The following ANKS1B variants were observed in gnomAD, a reference collection of about 807,000 sequenced individuals.
The protein encoded by ANKS1B is ankyrin repeat and sterile alpha motif domain containing 1B.
In ANKS1B, 36 loss-of-function variants were observed where a neutral mutation model predicts 148.3. The ratio of observed to expected loss-of-function variants is 0.24; its 90% CI spans 0.19 to 0.32. ANKS1B has a LOEUF of 0.32. ANKS1B is among the 10% of genes least tolerant of loss of function. ANKS1B has a pLI of 1.00. For synonymous variants in ANKS1B, 542 were observed against 560.8 expected, an observed-to-expected ratio of 0.97 and a Z score of 0.47; for missense variants, 1,157 against 1,542.6, an observed-to-expected ratio of 0.75 and a Z score of 4.19.
intron 4 of ANKS1B, among the ~76,000 whole-genome samples, chr12:99,800,007 C>G (rs1021386193): frequency 2.6e-5 from 4 of 152,094 alleles, no homozygotes; most frequent in Admixed American, 1.3e-4. Context: ...TCACTTCTGG[C>G]TGTTTGACTG....
chr12:99,566,375 G>C (rs1405337087), intron 9 of ANKS1B, among the ~76,000 whole-genome samples: 1 of 152,080 alleles, frequency 6.6e-6, no homozygotes, highest in African/African-American at 2.4e-5. Flanking sequence ...TAATAGTTCT[G>C]CAAGTATATA....
chr12:99,397,923 TTAAG>T (rs1301393247), intron 12 of ANKS1B, among the ~76,000 whole-genome samples: 1 of 152,040 alleles, frequency 6.6e-6, no homozygotes, highest in African/African-American at 2.4e-5. Context: ...CATGAAAATT[TTAAG>T]GCAGAGATTC....
intron 14 of ANKS1B, chr12:99,154,612 T>A: frequency 6.9e-7 from 1 of 1,458,642 alleles, no homozygotes. Context: ...TATGACTTGA[T>A]CCTAGCTCCA....
rs142609568 is a variant in ANKS1B, at chr12:99,738,329, C to A, written c.1128+34593G>T. ...CTGTTATTCCCACATTCACTCATAG[C>A]ATTACTATTACCAGGAACAATACAG... On this transcript the variant is annotated intron_variant, in intron 8 of 26. Transcript: ENST00000683438. 2.2e-4 allele frequency among the ~76,000 whole-genome samples: 33 copies of A among 152,284 alleles called. No homozygotes were observed. The East Asian group carries it at 3.5e-3, about 16-fold the overall frequency.
intron 17 of ANKS1B, among the ~76,000 whole-genome samples, chr12:98,989,175 AT>A (rs1431653016): frequency 3.3e-5 from 5 of 152,160 alleles, no homozygotes; most frequent in Admixed American, 1.3e-4. Flanking sequence ...GTTAAAAAAA[AT>A]AATTGCCTAG....
intron 1 of ANKS1B, among the ~76,000 whole-genome samples, chr12:99,828,765 T>G (rs114261463): frequency 1.2e-3 from 185 of 152,204 alleles, no homozygotes; most frequent in African/African-American, 4.3e-3. Context: ...CCCAGCACTT[T>G]GAAAGGCTGA....
chr12:99,362,264 G>A (rs1307630494), intron 12 of ANKS1B, among the ~76,000 whole-genome samples: 3 of 151,904 alleles, frequency 2.0e-5, no homozygotes, highest in African/African-American at 7.2e-5. Context: ...AACATTAGAC[G>A]AGTTAAAATT....
chr12:99,710,986 C>T (rs1363252065), intron 8 of ANKS1B, among the ~76,000 whole-genome samples: 1 of 151,906 alleles, frequency 6.6e-6, no homozygotes, highest in Non-Finnish European at 1.5e-5. Flanking sequence ...GCTGAAAAAC[C>T]CAGGAATCAC....
chr12:98,970,768 C>T (rs1175952788), intron 17 of ANKS1B, among the ~76,000 whole-genome samples: 1 of 152,176 alleles, frequency 6.6e-6, no homozygotes, highest in African/African-American at 2.4e-5. Context: ...TGATCTGTTA[C>T]TACTTCCTGA....
intron 10 of ANKS1B, among the ~76,000 whole-genome samples, chr12:99,461,071 T>C (rs1020727481): frequency 6.7e-6 from 1 of 149,964 alleles, no homozygotes; most frequent in African/African-American, 2.5e-5. Flanking sequence ...TATATACACA[T>C]ACACACACCA....
At position 99,504,659 on chromosome 12, in the gene ANKS1B, TAAA is replaced by T; in HGVS notation, c.1273-21_1273-19del. ...TAGGACTCCTGAAAAGAAGAAAAAA[TAAA>T]AACAGCTTTGTGATGAAGAAACAGC... On this transcript the variant is annotated intron_variant, in intron 9 of 26. Coordinates refer to ENST00000683438, the MANE Select transcript of ANKS1B (RefSeq NM_001352186.2). The T allele has an allele frequency of 6.6e-7, 1 of 1,506,138 alleles. No individual in the cohort carries two copies. 93.3% of individuals were successfully genotyped at this position (1,506,138 alleles called of 1,614,324 possible). A position where few individuals can be genotyped will look rare whatever the true frequency, so the allele number is the denominator to read the frequency against.
At chr12:99,852,444 T>G (rs564919803) in intron 1 of ANKS1B, among the ~76,000 whole-genome samples, 64 of 152,318 alleles carry the variant, frequency 4.2e-4, no homozygotes, top group African/African-American at 1.5e-3. Flanking sequence ...TTCAAAATAT[T>G]GGATTGAATA....
At chr12:99,232,610 G>A (rs910833685) in intron 14 of ANKS1B, among the ~76,000 whole-genome samples, 2 of 152,194 alleles carry the variant, frequency 1.3e-5, no homozygotes, top group Non-Finnish European at 2.9e-5. Context: ...TCTTAGAAAA[G>A]TGTGAGTATT....
intron 1 of ANKS1B, among the ~76,000 whole-genome samples, chr12:99,949,554 G>C (rs1177605306): frequency 6.6e-6 from 1 of 152,108 alleles, no homozygotes; most frequent in Admixed American, 6.5e-5. Context: ...TGAAAAAGGA[G>C]AAAAGGAGAA....
intron 17 of ANKS1B, among the ~76,000 whole-genome samples, chr12:99,011,061 A>C (rs1263535701): frequency 6.6e-6 from 1 of 151,830 alleles, no homozygotes; most frequent in Admixed American, 6.6e-5. Flanking sequence ...CCTCACAGAA[A>C]ATGCATACAT....
chr12:99,381,426 G>A (rs1313854671), intron 12 of ANKS1B, among the ~76,000 whole-genome samples: 1 of 152,132 alleles, frequency 6.6e-6, no homozygotes, highest in Admixed American at 6.5e-5. Context: ...TGTGTAGAAT[G>A]AGACAAGAAT....
At chr12:99,917,518 AT>A in intron 1 of ANKS1B, among the ~76,000 whole-genome samples, 1 of 152,358 alleles carries the variant, frequency 6.6e-6, no homozygotes, top group African/African-American at 2.4e-5. Flanking sequence ...ATACAGAACC[AT>A]CCCTCAAAAA....
chr12:99,909,847 A>G (rs920672886), intron 1 of ANKS1B, among the ~76,000 whole-genome samples: 4 of 151,952 alleles, frequency 2.6e-5, no homozygotes, highest in East Asian at 1.9e-4. Flanking sequence ...TTCTCATTCT[A>G]GATCACATTT....
At chr12:99,087,984 AAAG>A (rs1276260736) in intron 15 of ANKS1B, among the ~76,000 whole-genome samples, 2 of 152,172 alleles carry the variant, frequency 1.3e-5, no homozygotes, top group African/African-American at 4.8e-5. Context: ...AGATATTTTT[AAAG>A]AAGGTGTTGA....
Sources: gnomAD v4.1 joint callset for allele counts (sites outside exome capture counted in the v4.1 genomes callset) on GRCh38, gnomAD v4.1.1 for gene constraint, MANE v1.5 for transcripts, NCBI Gene and HGNC (gene_info 2026-07-23, HGNC 2026-07-21) for gene names.